POC1B: variants seen among roughly 807,000 people sequenced by gnomAD.
POC1B encodes the protein POC1 centriolar protein B.
Under a neutral mutation model 60.6 loss-of-function variants are expected in POC1B, and 44 were observed. The observed-to-expected ratio is 0.73, with a 90% CI of 0.57 to 0.93. The LOEUF (loss-of-function observed/expected upper bound fraction) is 0.93. Among genes scored for constraint, POC1B ranks in the 40% least tolerant of loss-of-function variants. The pLI, the probability that POC1B is intolerant of heterozygous loss-of-function variation, is 0.00. For missense variants in POC1B, 555 were observed against 572.3 expected (o/e 0.97, Z 0.31); for synonymous variants, 180 against 198.9 (o/e 0.90, Z 0.80).
In POC1B at chr12:89,449,796, GAACA is replaced by G. The variant is rs1366101406; in HGVS notation, c.1113+9838_1113+9841del. Among the ~76,000 whole-genome samples, 5 of 152,118 alleles carry G rather than the reference GAACA, an allele frequency of 3.3e-5. No homozygotes were observed. In the South Asian group the frequency reaches 8.3e-4, roughly 25 times the overall value. ...TTAAAAAGGTATGATAATGGATCAA[GAACA>G]AACAGATAATGGATCAAGAACAAAT... On this transcript the variant is annotated intron_variant, in intron 10 of 11. Transcript: ENST00000313546.
At chr12:89,438,254 G>A (rs1335614568) in intron 10 of POC1B, among the ~76,000 whole-genome samples, 2 of 152,000 alleles carry the variant, frequency 1.3e-5, no homozygotes, top group African/African-American at 4.8e-5. Flanking sequence ...TCAGAAGATC[G>A]AGACCATCCT....
At chr12:89,524,142 G>A in intron 2 of POC1B, 1 of 1,613,954 alleles carries the variant, frequency 6.2e-7, no homozygotes, top group Non-Finnish European at 8.5e-7. Flanking sequence ...TAACAGAGGT[G>A]GTAGGAAGTG....
At position 89,500,353 on chromosome 12, in the gene POC1B, A is replaced by C. The variant is rs546620637; in HGVS notation, c.101-3011T>G. ...AGAAATCACATCCAAAGTCAGTTCC[A>C]CTTTCTTCAAGGAAGAAAGAAGCCT... On this transcript the variant is annotated intron_variant, in intron 2 of 11. Transcript: ENST00000313546. The C allele has an allele frequency of 2.8e-5, 42 of 1,503,556 alleles. No homozygotes were observed. The African/African-American group carries it at 4.8e-4, about 17-fold the overall frequency. 93.1% of individuals were successfully genotyped at this position (1,503,556 alleles called of 1,614,324 possible).
At chr12:89,454,238 GGGAA>G (rs1882166392) in intron 10 of POC1B, among the ~76,000 whole-genome samples, 1 of 152,108 alleles carries the variant, frequency 6.6e-6, no homozygotes, top group South Asian at 2.1e-4. Context: ...ACTGTCCCTG[GGGAA>G]GGGAGATAGG....
chr12:89,437,481 G>T (rs1382579811), intron 10 of POC1B, among the ~76,000 whole-genome samples: 1 of 152,000 alleles, frequency 6.6e-6, no homozygotes, highest in Non-Finnish European at 1.5e-5. Flanking sequence ...AGCTGTCCTC[G>T]TTCCTCTTAT....
At chr12:89,489,211 G>A (rs541044856) in intron 4 of POC1B, among the ~76,000 whole-genome samples, 2 of 152,320 alleles carry the variant, frequency 1.3e-5, no homozygotes, top group East Asian at 3.9e-4. Context: ...ACCGTTCTAA[G>A]TGCTATCCAG....
At chr12:89,507,410 G>C (rs1282949485) in intron 2 of POC1B, among the ~76,000 whole-genome samples, 1 of 151,574 alleles carries the variant, frequency 6.6e-6, no homozygotes, top group East Asian at 1.9e-4. Context: ...ATTGATGTCA[G>C]TGTTGTACTG....
intron 9 of POC1B, among the ~76,000 whole-genome samples, chr12:89,462,905 C>T (rs1206429135): frequency 2.9e-4 from 44 of 152,012 alleles, no homozygotes; most frequent in Admixed American, 2.8e-3. Flanking sequence ...TGAACATTTA[C>T]TGAGGCCTGA....
chr12:89,520,445 A>C (rs1284924241), intron 2 of POC1B: 1 of 152,160 alleles, frequency 6.6e-6, no homozygotes, highest in Admixed American at 6.5e-5. Flanking sequence ...TTTAAAAAGC[A>C]GCCTGGGCAA....
In POC1B at chr12:89,493,272, C is replaced by T. The variant is rs143927594; in HGVS notation, c.273-1157G>A. ...CATTATACAGTGACTTTCTAAAGAA[C>T]GATTTGTCTCCTCTTAAGCAGCACA... On this transcript the variant is annotated intron_variant, in intron 3 of 11. Transcript: ENST00000313546. Among the ~76,000 whole-genome samples the T allele has an allele frequency of 3.4e-3, 524 of 152,320 alleles. 3 individuals carry two copies. The highest frequency in any genetic ancestry group is 0.012 in the African/African-American group (487 of 41,564).
At chr12:89,474,824 C>T (rs1402023833) in intron 4 of POC1B, among the ~76,000 whole-genome samples, 1 of 152,144 alleles carries the variant, frequency 6.6e-6, no homozygotes, top group Admixed American at 6.5e-5. Context: ...AGAGGAACCA[C>T]GAGGCAGTGC....
intron 2 of POC1B, among the ~76,000 whole-genome samples, chr12:89,517,651 A>T (rs1266633258): frequency 6.6e-6 from 1 of 151,998 alleles, no homozygotes; most frequent in Non-Finnish European, 1.5e-5. Flanking sequence ...AAAAGAAAAA[A>T]GCATTCTATT....
intron 2 of POC1B, chr12:89,523,017 AT>A (rs780101725): frequency 1.2e-6 from 2 of 1,613,770 alleles, no homozygotes; most frequent in Non-Finnish European, 1.7e-6. Flanking sequence ...TTCCCACATA[AT>A]TTTTTTGCTC....
intron 3 of POC1B, among the ~76,000 whole-genome samples, chr12:89,494,651 C>T (rs144495250): frequency 1.1e-4 from 17 of 152,246 alleles, no homozygotes; most frequent in African/African-American, 3.9e-4. Flanking sequence ...AGGAACAGAA[C>T]GTGGCAGAAG....
chr12:89,402,164 T>C, the POC1B span, among the ~76,000 whole-genome samples: 1 of 152,166 alleles, frequency 6.6e-6, no homozygotes, highest in Non-Finnish European at 1.5e-5. Flanking sequence ...TTCCTTCCCG[T>C]CCCTTAAAAC....
In POC1B at chr12:89,421,156, G is replaced by A. The variant is rs1446621862; in HGVS notation, c.1434C>T (p.Ser478=). 6 of 1,581,746 alleles carry A rather than the reference G, an allele frequency of 3.8e-6. No individual in the cohort carries two copies. The East Asian group carries it at 1.4e-4, about 36-fold the overall frequency. ...QKLFSAVQQK[S] ...CAAATGAAAATGAATTTTTTATTCAGCTTTTCTGTTGGACAGCACTGAAAA... is the reference window on the plus strand; with the variant it reads ...CAAATGAAAATGAATTTTTTATTCAACTTTTCTGTTGGACAGCACTGAAAA... Residue 478 remains serine, a synonymous_variant, in exon 12 of 12, where the codon AGC becomes AGT. Transcript: ENST00000313546.
intron 2 of POC1B, chr12:89,502,439 T>C (rs1294852916): frequency 7.7e-7 from 1 of 1,299,262 alleles, no homozygotes; most frequent in Admixed American, 1.8e-5. Flanking sequence ...CCAGGCAAAA[T>C]ATCGTCTAAA....
At chr12:89,500,129 T>C in intron 2 of POC1B, 1 of 1,522,212 alleles carries the variant, frequency 6.6e-7, no homozygotes, top group Non-Finnish European at 9.0e-7. Context: ...CAAAAATGGC[T>C]ACAGAAGAAG....
rs2120623529 is a variant in POC1B at position 89,419,928 on chromosome 12, T to A, written c.*1225A>T. 1 of 152,286 alleles carries A rather than the reference T, an allele frequency of 6.6e-6. No homozygotes were observed. Among genetic ancestry groups the A allele is most frequent in the South Asian group, 2.1e-4 (1 of 4,826 alleles). The allele number at this position is 152,286 out of a possible 1,614,324, so 9.4% of individuals were successfully genotyped here. A position where few individuals can be genotyped will look rare whatever the true frequency, so the allele number is the denominator to read the frequency against. On this transcript the variant is annotated 3_prime_UTR_variant, in exon 12 of 12. Transcript: ENST00000313546. ...ACACAATAAGATACTTAGAAACCCA[T>A]CTCATAGATACAATTGAAATTTCTT...
Sources: gnomAD v4.1 joint callset for allele counts (sites outside exome capture counted in the v4.1 genomes callset) on GRCh38, gnomAD v4.1.1 for gene constraint, MANE v1.5 for transcripts, NCBI Gene and HGNC (gene_info 2026-07-23, HGNC 2026-07-21) for gene names.